The following RABL3 variants were observed in gnomAD, a reference collection of about 807,000 sequenced individuals.
RABL3 encodes RAB, member of RAS oncogene family like 3, also known as rab-like protein 3.
RABL3 carries 31 observed loss-of-function variants against 31.8 expected under a neutral mutation model. The observed-to-expected ratio is 0.97, with a 90% confidence interval of 0.73 to 1.31. RABL3 has a LOEUF of 1.31. RABL3 is among the 40% of genes most tolerant of loss of function. The probability of loss-of-function intolerance (pLI) is 0.00; values close to 1 mark genes in which losing one functional copy is unlikely to be tolerated. For missense variants in RABL3, 263 were observed against 279.6 expected (o/e 0.94, Z 0.42); for synonymous variants, 97 against 99.9 (o/e 0.97, Z 0.18).
chr3:120,719,115 C>T (rs533725022), intron 2 of RABL3, among the ~76,000 whole-genome samples: 44 of 152,268 alleles, frequency 2.9e-4, no homozygotes, highest in African/African-American at 1.1e-3. Flanking sequence ...AAATGATTAA[C>T]ACATATTTAG....
intron 2 of RABL3, among the ~76,000 whole-genome samples, chr3:120,723,834 C>A (rs1424505161): frequency 6.6e-6 from 1 of 151,964 alleles, no homozygotes; most frequent in Non-Finnish European, 1.5e-5. Context: ...AAACCCACAG[C>A]CAATATCATA....
intron 5 of RABL3, among the ~76,000 whole-genome samples, chr3:120,697,234 G>C (rs1330992693): frequency 3.9e-5 from 6 of 152,224 alleles, no homozygotes. Context: ...AAGTGCAAAA[G>C]AGGCTTAACT....
intron 4 of RABL3, among the ~76,000 whole-genome samples, chr3:120,701,109 T>C (rs951349063): frequency 2.0e-5 from 3 of 152,162 alleles, no homozygotes; most frequent in African/African-American, 2.4e-5. Flanking sequence ...AAATACATAT[T>C]ATTTCTTTTC....
chr3:120,709,219 A>G (rs1296694119), intron 3 of RABL3, among the ~76,000 whole-genome samples: 5 of 152,120 alleles, frequency 3.3e-5, no homozygotes, highest in Non-Finnish European at 7.4e-5. Context: ...TAGGTACTCT[A>G]TGAAAGGAAA....
intron 1 of RABL3, among the ~76,000 whole-genome samples, chr3:120,740,204 C>A (rs984413292): frequency 6.6e-6 from 1 of 152,128 alleles, no homozygotes; most frequent in African/African-American, 2.4e-5. Flanking sequence ...GGGTTCCTTA[C>A]CAAATTACCA....
At position 120,723,170 on chromosome 3, in the gene RABL3, CT is replaced by C. The variant is rs548253803; in HGVS notation, c.138+7525del. Among the ~76,000 whole-genome samples, 852 of 152,266 alleles carry C rather than the reference CT, an allele frequency of 5.6e-3. 11 individuals carry two copies. The highest frequency in any genetic ancestry group is 0.02 in the African/African-American group (820 of 41,546). On this transcript the variant is annotated intron_variant, in intron 2 of 7. Transcript: ENST00000273375. ...TACCATCGGAGAATACTAAAAACACCTGTACGCAAATAAACTAGAAAATCTA... is the reference window on the plus strand; with the variant it reads ...TACCATCGGAGAATACTAAAAACACCGTACGCAAATAAACTAGAAAATCTA...
At chr3:120,725,301 G>A (rs1240599669) in intron 2 of RABL3, among the ~76,000 whole-genome samples, 1 of 152,176 alleles carries the variant, frequency 6.6e-6, no homozygotes, top group Non-Finnish European at 1.5e-5. Flanking sequence ...GAAACAACAG[G>A]TGCTGGAGAG....
chr3:120,722,671 C>G (rs1398598599), intron 2 of RABL3: 4 of 152,172 alleles, frequency 2.6e-5, no homozygotes, highest in Non-Finnish European at 5.9e-5. Context: ...TACATGGGAA[C>G]TGAACAACCT....
In RABL3 at chr3:120,709,852, C is replaced by A; in HGVS notation, c.196G>T (p.Asp66Tyr). ...GCACTGCCCACAGAGCCTCCAACAT[C>A]CCATAATTCTATGTAGTAGGTCTTC... ...EEKTYYIELW[D>Y]VGGSVGSASS... The change falls in exon 3 of 8, where the codon GAT becomes TAT. Residue 66 changes from aspartate to tyrosine, a missense_variant. Physicochemically the swap from Asp to Tyr is radical, Grantham distance 160. Transcript: ENST00000273375. 6.2e-7 allele frequency: 1 copy of A among 1,611,244 alleles called. No individual in the cohort carries two copies. Among genetic ancestry groups the A allele is most frequent in the Non-Finnish European group, 8.5e-7 (1 of 1,177,518 alleles).
chr3:120,728,202 A>G (rs148603158), intron 2 of RABL3, among the ~76,000 whole-genome samples: 1 of 152,180 alleles, frequency 6.6e-6, no homozygotes, highest in Non-Finnish European at 1.5e-5. Context: ...AAATTGGACT[A>G]AAGTTCAATT....
chr3:120,731,535 A>T (rs1708882992), intron 1 of RABL3, among the ~76,000 whole-genome samples: 1 of 152,084 alleles, frequency 6.6e-6, no homozygotes, highest in African/African-American at 2.4e-5. Context: ...GCATTGAGAG[A>T]TTTGTATGAA....
At chr3:120,707,153 G>GA (rs1214970785) in intron 3 of RABL3, among the ~76,000 whole-genome samples, 5 of 152,118 alleles carry the variant, frequency 3.3e-5, no homozygotes, top group Non-Finnish European at 5.9e-5. Flanking sequence ...AGAAGAGGTA[G>GA]AATTAGCTGG....
chr3:120,718,507 T>G (rs531873587), intron 2 of RABL3, among the ~76,000 whole-genome samples: 5 of 152,360 alleles, frequency 3.3e-5, no homozygotes, highest in Admixed American at 3.3e-4. Context: ...TGATATCCAC[T>G]TGGCAATATG....
intron 2 of RABL3, among the ~76,000 whole-genome samples, chr3:120,726,647 G>A (rs1011828567): frequency 6.6e-6 from 1 of 152,116 alleles, no homozygotes; most frequent in African/African-American, 2.4e-5. Flanking sequence ...AGGAGGCTGA[G>A]GGAGGAGAAT....
intron 4 of RABL3, among the ~76,000 whole-genome samples, chr3:120,705,072 A>C (rs1708533598): frequency 6.6e-6 from 1 of 152,210 alleles, no homozygotes; most frequent in Non-Finnish European, 1.5e-5. Flanking sequence ...TAGCTTAAAA[A>C]ATATTAAATA....
At chr3:120,696,675 A>T (rs1708441800) in intron 5 of RABL3, among the ~76,000 whole-genome samples, 1 of 152,104 alleles carries the variant, frequency 6.6e-6, no homozygotes, top group Non-Finnish European at 1.5e-5. Flanking sequence ...AAACAGATAC[A>T]TTCTAAAATA....
At chr3:120,717,213 T>C (rs1708681107) in intron 2 of RABL3, among the ~76,000 whole-genome samples, 1 of 150,924 alleles carries the variant, frequency 6.6e-6, no homozygotes, top group African/African-American at 2.4e-5. Flanking sequence ...CCAAAATTAT[T>C]GTGCCACTGC....
chr3:120,718,094 T>G (rs762354251), intron 2 of RABL3, among the ~76,000 whole-genome samples: 31 of 152,148 alleles, frequency 2.0e-4, no homozygotes, highest in Non-Finnish European at 3.1e-4. Context: ...AACTCCTAAT[T>G]GTTTCCTTCT....
At position 120,687,038 on chromosome 3, in the gene RABL3, T is replaced by C. The variant is rs923932395; in HGVS notation, c.*2785A>G. ...ACCTTGCTTCTGCAGTTTTCTCAAA[T>C]AACAGGGTGCAATATTTTGGGGTTA... is the stretch of plus-strand genomic sequence containing the variant. On this transcript the variant is annotated 3_prime_UTR_variant, in exon 8 of 8. Coordinates refer to ENST00000273375, the MANE Select transcript of RABL3 (RefSeq NM_173825.5). 1.3e-5 allele frequency: 2 copies of C among 152,174 alleles called. No homozygotes were observed. Among genetic ancestry groups the C allele is most frequent in the African/African-American group, 4.8e-5 (2 of 41,424 alleles). 9.4% of individuals were successfully genotyped at this position (152,174 alleles called of 1,614,324 possible).
Sources: allele counts gnomAD v4.1 joint callset (sites outside exome capture counted in the v4.1 genomes callset), GRCh38; gene constraint gnomAD v4.1.1; transcripts MANE v1.5; gene names NCBI Gene and HGNC (gene_info 2026-07-23, HGNC 2026-07-21).